DST: variants seen among roughly 807,000 people sequenced by gnomAD.
DST encodes the protein dystonin.
DST carries 253 observed loss-of-function variants against 875.2 expected under a neutral mutation model. That is an observed-to-expected ratio of 0.29 (90% confidence interval 0.26 to 0.32). The LOEUF is 0.32. Ranked by LOEUF, DST falls within the 10% of genes least tolerant of loss-of-function variation. The probability of loss-of-function intolerance (pLI) is 1.00; values close to 1 mark genes in which losing one functional copy is unlikely to be tolerated. For synonymous variants in DST, 3,124 were observed against 3,197.1 expected, an observed-to-expected ratio of 0.98 and a Z score of 0.77; for missense variants, 8,287 against 9,111.6, an observed-to-expected ratio of 0.91 and a Z score of 3.68.
chr6:56,527,820 A>C (rs1733906534), intron 67 of DST, 86 bp from the exon 68 acceptor site: 10 of 1,351,694 alleles, frequency 7.4e-6, no homozygotes, highest in Non-Finnish European at 9.8e-6. Flanking sequence ...ACACTGATGA[A>C]ATTTCCACAG....
intron 3 of DST, among the ~76,000 whole-genome samples, chr6:56,857,131 C>T (rs1240531636): frequency 6.6e-6 from 1 of 152,044 alleles, no homozygotes; most frequent in Non-Finnish European, 1.5e-5. Context: ...CCCACCTCAA[C>T]CTCTCGAGTA....
chr6:56,623,255 A>G (rs564557908), intron 36 of DST, among the ~76,000 whole-genome samples: 1 of 152,328 alleles, frequency 6.6e-6, no homozygotes, highest in East Asian at 1.9e-4. Context: ...CCATATATGT[A>G]TAATCAGATA....
chr6:56,708,359 A>C (rs1406652744), intron 5 of DST, among the ~76,000 whole-genome samples: 1 of 152,216 alleles, frequency 6.6e-6, no homozygotes, highest in African/African-American at 2.4e-5. Context: ...GCTACTCTTA[A>C]GACTTATGGC....
Position 56,463,001 on chromosome 6 carries a change from A to C in DST, c.23070+45T>G, listed in dbSNP as rs182471486. The C allele has an allele frequency of 4.1e-5, 45 of 1,104,012 alleles. 1 individual carries two copies. The South Asian group carries it at 4.7e-4, about 11-fold the overall frequency. The allele number at this position is 1,104,012 out of a possible 1,614,324, so 68.4% of individuals were successfully genotyped here. The stretch of plus-strand genomic sequence containing the variant: ...AACGATGTTAGTGAGTGATAGCTTC[A>C]GTTAAAGGAGAATGTTAAGACTGGA... On this transcript the variant is annotated intron_variant, in intron 102 of 103. Coordinates refer to ENST00000680361, the MANE Select transcript of DST (RefSeq NM_001374736.1).
At chr6:56,587,638 A>G (rs1406342045) in intron 49 of DST, among the ~76,000 whole-genome samples, 2 of 152,208 alleles carry the variant, frequency 1.3e-5, no homozygotes, top group East Asian at 3.8e-4. Flanking sequence ...AATGAAGGAA[A>G]AAATGTAAAG....
At chr6:56,657,646 T>C (rs1281529471) in intron 10 of DST, among the ~76,000 whole-genome samples, 1 of 152,214 alleles carries the variant, frequency 6.6e-6, no homozygotes, top group Non-Finnish European at 1.5e-5. Flanking sequence ...AAAAGAGCTC[T>C]GGAGATGGAT....
chr6:56,764,623 G>T (rs993293295), intron 4 of DST, among the ~76,000 whole-genome samples: 1 of 152,068 alleles, frequency 6.6e-6, no homozygotes, highest in Admixed American at 6.6e-5. Context: ...TGGGAAGAAA[G>T]AAGAAAATTT....
intron 4 of DST, among the ~76,000 whole-genome samples, chr6:56,783,598 T>C (rs1434656579): frequency 1.3e-5 from 2 of 152,150 alleles, no homozygotes; most frequent in Non-Finnish European, 2.9e-5. Flanking sequence ...TCCATCCTTT[T>C]ATTTTGAGCC....
At chr6:56,843,126 G>T (rs749798463) in intron 4 of DST, 4 of 1,570,320 alleles carry the variant, frequency 2.5e-6, no homozygotes, top group Non-Finnish European at 3.5e-6. Flanking sequence ...GTAAGCAGCA[G>T]GGGAGAGGTA....
intron 24 of DST, among the ~76,000 whole-genome samples, chr6:56,635,276 C>T (rs2152766675): frequency 6.6e-6 from 1 of 152,198 alleles, no homozygotes; most frequent in South Asian, 2.1e-4. Flanking sequence ...ACTGCTGTAG[C>T]TCTAGAACCT....
intron 2 of DST, among the ~76,000 whole-genome samples, chr6:56,933,040 C>T (rs977037910): frequency 6.6e-6 from 1 of 151,936 alleles, no homozygotes; most frequent in Admixed American, 6.6e-5. Context: ...GAAACCCAGA[C>T]CCCCACCGAA....
chr6:56,516,987 T>C (rs1285295238), intron 71 of DST, among the ~76,000 whole-genome samples: 1 of 152,206 alleles, frequency 6.6e-6, no homozygotes, highest in Non-Finnish European at 1.5e-5. Context: ...CCTTTGTGCC[T>C]ATTCAAAAAG....
chr6:56,695,379 C>A (rs1031038081), intron 9 of DST, among the ~76,000 whole-genome samples: 2 of 150,708 alleles, frequency 1.3e-5, no homozygotes, highest in African/African-American at 5.0e-5. Flanking sequence ...CTCAGGTATG[C>A]CTTTACAGCA....
chr6:56,573,532 T>C, intron 51 of DST, 147 bp downstream of exon 51: 1 of 639,230 alleles, frequency 1.6e-6, no homozygotes, highest in Non-Finnish European at 2.7e-6. Flanking sequence ...ACACTTGATT[T>C]TGTGCAAGCA....
At chr6:56,892,813 C>G (rs2127665779) in intron 3 of DST, among the ~76,000 whole-genome samples, 1 of 152,232 alleles carries the variant, frequency 6.6e-6, no homozygotes, top group East Asian at 1.9e-4. Context: ...CACTCAGATG[C>G]CAAATGCCAA....
chr6:56,653,618 G>A (rs2098988140), intron 10 of DST, among the ~76,000 whole-genome samples: 1 of 152,174 alleles, frequency 6.6e-6, no homozygotes, highest in Non-Finnish European at 1.5e-5. Context: ...CCAGGAGGCA[G>A]AGGTTGCAGT....
intron 4 of DST, among the ~76,000 whole-genome samples, chr6:56,829,514 G>C (rs925364929): frequency 6.6e-6 from 1 of 152,048 alleles, no homozygotes; most frequent in Non-Finnish European, 1.5e-5. Flanking sequence ...ATATCAAAAG[G>C]CTGGAAGGCA....
At chr6:56,572,364 A>G in intron 52 of DST, 98 bp from the exon 53 acceptor site, 1 of 701,442 alleles carries the variant, frequency 1.4e-6, no homozygotes. Flanking sequence ...GGCTCTATTC[A>G]TAATTTCACA....
At position 56,606,849 on chromosome 6, in the gene DST, T is replaced by C; in HGVS notation, c.7779A>G (p.Ser2593=). 4 of 1,613,174 alleles carry C rather than the reference T, an allele frequency of 2.5e-6. No homozygotes were observed. Among genetic ancestry groups the C allele is most frequent in the Non-Finnish European group, 3.4e-6 (4 of 1,179,446 alleles). Residue 2593 remains serine, a synonymous_variant, in exon 40 of 104, where the codon TCA becomes TCG. Coordinates refer to ENST00000680361, the MANE Select transcript of DST (RefSeq NM_001374736.1). ...TGTTATTCTGCTGATCATTCAGCAG[T>C]GACGTTTCATAGTCACTAGCACTGA... is the stretch of plus-strand genomic sequence containing the variant. The part of the protein sequence containing the change: ...ETISASDYET[S]LLNDQQNNTG...
Sources: allele counts gnomAD v4.1 joint callset (sites outside exome capture counted in the v4.1 genomes callset), GRCh38; gene constraint gnomAD v4.1.1; transcripts MANE v1.5; gene names NCBI Gene and HGNC (gene_info 2026-07-23, HGNC 2026-07-21).